The following PXK variants were observed in gnomAD, a reference collection of about 807,000 sequenced individuals.
The protein encoded by PXK is PX domain-containing protein kinase-like protein.
In PXK, 35 loss-of-function variants were observed where a neutral mutation model predicts 84.7. The ratio of observed to expected loss-of-function variants is 0.41; its 90% CI spans 0.32 to 0.55. The LOEUF (loss-of-function observed/expected upper bound fraction) is 0.55. Among genes scored for constraint, PXK ranks in the 20% least tolerant of loss-of-function variants. PXK has a pLI of 0.21. For synonymous variants in PXK, 253 were observed against 260.8 expected (o/e 0.97, Z 0.29); for missense variants, 634 against 699.7 (o/e 0.91, Z 1.06).
rs1478175252 is a variant in PXK at position 58,398,485 on chromosome 3, G to A, written c.1102+763G>A. ...AGAGCCTAGCAGGCCCAGACCTAGG[G>A]CAGGCAGGCAGGAATGCAGACACCA... On this transcript the variant is annotated intron_variant, in intron 11 of 17. Transcript: ENST00000356151. The surrounding 1 kb of genome is among the most constrained non-coding windows in gnomAD (Gnocchi z 4.5). Among the ~76,000 whole-genome samples the A allele has an allele frequency of 1.3e-5, 2 of 152,184 alleles. No individual in the cohort carries two copies. The highest frequency in any genetic ancestry group is 2.9e-5 in the Non-Finnish European group (2 of 68,016).
chr3:58,420,497 T>C (rs1576864790), intron 17 of PXK: 1 of 1,534,780 alleles, frequency 6.5e-7, no homozygotes, highest in African/African-American at 1.4e-5. Context: ...AATAATGACT[T>C]GTGTCCCCCC....
At position 58,390,694 on chromosome 3, in the gene PXK, CAG is replaced by C. The variant is rs529701478; in HGVS notation, c.466+37_466+38del. 6.3e-4 allele frequency: 999 copies of C among 1,575,642 alleles called. No individual in the cohort carries two copies. The highest frequency in any genetic ancestry group is 8.4e-4 in the Non-Finnish European group (963 of 1,149,802). On this transcript the variant is annotated intron_variant, in intron 5 of 17. Transcript: ENST00000356151. This position sits in a 1 kb window ranked among gnomAD's most constrained non-coding sequence, Gnocchi z 4.2. ...TGGCACGCTCATTCTGTTAAAAAGA[CAG>C]ATCACAGAACTGGATCCTTAGTCAT...
chr3:58,390,999 C>T lies in PXK; in HGVS notation c.467-148C>T. ...TTTTTAAGTATAGCCTTTACTATGCCAACGTTATCAAATGGTTCTTTTACT... is the reference window on the plus strand; with the variant it reads ...TTTTTAAGTATAGCCTTTACTATGCTAACGTTATCAAATGGTTCTTTTACT... On this transcript the variant is annotated intron_variant, in intron 5 of 17. Coordinates refer to ENST00000356151, the MANE Select transcript of PXK (RefSeq NM_017771.5). The surrounding 1 kb of genome is among the most constrained non-coding windows in gnomAD (Gnocchi z 4.2). 1 of 609,902 alleles carries T rather than the reference C, an allele frequency of 1.6e-6. No homozygotes were observed. Among genetic ancestry groups the T allele is most frequent in the African/African-American group, 1.9e-5 (1 of 54,042 alleles). 37.8% of individuals were successfully genotyped at this position (609,902 alleles called of 1,614,324 possible).
In PXK at chr3:58,385,171, C is replaced by T. The variant is rs2098541009; in HGVS notation, c.388+2471C>T. Among the ~76,000 whole-genome samples, 1 of 152,132 alleles carries T rather than the reference C, an allele frequency of 6.6e-6. No homozygotes were observed. Among genetic ancestry groups the T allele is most frequent in the Non-Finnish European group, 1.5e-5 (1 of 68,022 alleles). ...CCAGCATGGTAGAGAGTCAGGAGTC[C>T]AAAGCAGATGTGGGCAGGGGTATAA... On this transcript the variant is annotated intron_variant, in intron 4 of 17. Coordinates refer to ENST00000356151, the MANE Select transcript of PXK (RefSeq NM_017771.5). This position sits in a 1 kb window ranked among gnomAD's most constrained non-coding sequence, Gnocchi z 5.1.
chr3:58,363,513 G>A (rs2098223308), intron 1 of PXK, among the ~76,000 whole-genome samples: 1 of 152,114 alleles, frequency 6.6e-6, no homozygotes, highest in Non-Finnish European at 1.5e-5. Flanking sequence ...GTAGAGACGA[G>A]GTCTTGCTGT....
At chr3:58,413,224 A>G in intron 17 of PXK, 1 of 536,634 alleles carries the variant, frequency 1.9e-6, no homozygotes, top group South Asian at 2.0e-5. Flanking sequence ...TTTGCTGAAA[A>G]GCTTCATGCA....
At chr3:58,349,373 T>G (rs983086015) in intron 1 of PXK, among the ~76,000 whole-genome samples, 86 of 150,632 alleles carry the variant, frequency 5.7e-4, no homozygotes, top group Middle Eastern at 3.4e-3. Flanking sequence ...TTTTTTTTTT[T>G]GAGACGGAGT....
At chr3:58,354,866 C>G (rs1422862721) in intron 1 of PXK, among the ~76,000 whole-genome samples, 1 of 151,938 alleles carries the variant, frequency 6.6e-6, no homozygotes, top group South Asian at 2.1e-4. Context: ...GCTTGTAATC[C>G]CAACACTTTT....
At chr3:58,342,808 C>T (rs2097761186) in intron 1 of PXK, among the ~76,000 whole-genome samples, 1 of 151,990 alleles carries the variant, frequency 6.6e-6, no homozygotes, top group Admixed American at 6.6e-5. Flanking sequence ...TGAACTATGT[C>T]CTCTTAGTTT....
rs145159214 is a variant in PXK, at chr3:58,399,280, T to C, written c.1103-19T>C. 2.4e-3 allele frequency: 3,919 copies of C among 1,610,620 alleles called. 11 individuals carry two copies. Among genetic ancestry groups the C allele is most frequent in the Non-Finnish European group, 2.9e-3 (3,364 of 1,176,826 alleles). On this transcript the variant is annotated intron_variant, in intron 11 of 17. Transcript: ENST00000356151. This position sits in a 1 kb window ranked among gnomAD's most constrained non-coding sequence, Gnocchi z 4.3. ...CAGCGTGTTCTGTGGAACTAAAATG[T>C]GTATCTGTTCATTTCAAGTGGCCGT...
Position 58,407,592 on chromosome 3 carries a change from G to A in PXK, c.1231-1332G>A, listed in dbSNP as rs183032752. 9.4e-4 allele frequency among the ~76,000 whole-genome samples: 143 copies of A among 151,640 alleles called. 2 individuals are homozygous for A. The highest frequency in any genetic ancestry group is 7.9e-3 in the East Asian group (41 of 5,166). ...TTTTTTCTTTTGGAGACAGGGGCTC[G>A]TTCTGTTGCTTAGGCTGGAGTGCAG... On this transcript the variant is annotated intron_variant, in intron 13 of 17. Coordinates refer to ENST00000356151, the MANE Select transcript of PXK (RefSeq NM_017771.5). The surrounding 1 kb of genome is among the most constrained non-coding windows in gnomAD (Gnocchi z 4.3).
chr3:58,394,916 G>T, intron 7 of PXK, 82 bp from the exon 8 acceptor site: 3 of 1,006,040 alleles, frequency 3.0e-6, no homozygotes, highest in South Asian at 2.8e-5. Context: ...AGTGCTACTT[G>T]ACTCTGCATA....
chr3:58,375,602 A>G (rs1319583013), intron 3 of PXK, among the ~76,000 whole-genome samples: 1 of 152,160 alleles, frequency 6.6e-6, no homozygotes, highest in Non-Finnish European at 1.5e-5. Flanking sequence ...GTGTGAATGG[A>G]GTTTGCACTT....
Position 58,395,644 on chromosome 3 carries a change from GT to G in PXK, c.721-12del. 1 of 1,588,980 alleles carries G rather than the reference GT, an allele frequency of 6.3e-7. No individual in the cohort carries two copies. Among genetic ancestry groups the G allele is most frequent in the Non-Finnish European group, 8.6e-7 (1 of 1,158,478 alleles). On this transcript the variant is annotated splice_polypyrimidine_tract_variant and intron_variant, in intron 8 of 17. Transcript: ENST00000356151. ...TCTGCTGCTTTCTTACGTGTTCTTT[GT>G]TCTTTTCCAAAGGCAAAACCAAAAG...
intron 3 of PXK, among the ~76,000 whole-genome samples, chr3:58,369,756 G>A (rs1008015203): frequency 2.6e-5 from 4 of 151,648 alleles, no homozygotes; most frequent in South Asian, 2.1e-4. Flanking sequence ...CCTGGGAAGC[G>A]GAGGTTGTGG....
chr3:58,342,967 C>G (rs1222118420), intron 1 of PXK, among the ~76,000 whole-genome samples: 1 of 152,176 alleles, frequency 6.6e-6, no homozygotes, highest in Non-Finnish European at 1.5e-5. Flanking sequence ...CGCAGCACCT[C>G]TTTATAATAT....
chr3:58,371,071 T>C (rs1347125232), intron 3 of PXK, among the ~76,000 whole-genome samples: 2 of 152,248 alleles, frequency 1.3e-5, no homozygotes, highest in Non-Finnish European at 2.9e-5. Flanking sequence ...ATAATGCTGC[T>C]GAAAGCATGA....
chr3:58,410,217 C>G, intron 16 of PXK, 58 bp downstream of exon 16: 1 of 1,349,554 alleles, frequency 7.4e-7, no homozygotes, highest in South Asian at 1.2e-5. Context: ...TCAGGAGTCT[C>G]TAGTTGGTCA....
At position 58,385,714 on chromosome 3, in the gene PXK, G is replaced by T. The variant is rs141402327; in HGVS notation, c.388+3014G>T. On this transcript the variant is annotated intron_variant, in intron 4 of 17. Transcript: ENST00000356151. This position sits in a 1 kb window ranked among gnomAD's most constrained non-coding sequence, Gnocchi z 5.1. Reference sequence around the variant, plus strand: ...GGGTTTCACTATGTTGACTAGGCTGGTCTCAAACTCTTGAGCTCAAATGAT... The same window carrying T: ...GGGTTTCACTATGTTGACTAGGCTGTTCTCAAACTCTTGAGCTCAAATGAT... 6.6e-6 allele frequency among the ~76,000 whole-genome samples: 1 copy of T among 152,154 alleles called. No individual in the cohort carries two copies. Among genetic ancestry groups the T allele is most frequent in the Non-Finnish European group, 1.5e-5 (1 of 68,044 alleles).
Sources: gnomAD v4.1 joint callset for allele counts (sites outside exome capture counted in the v4.1 genomes callset) on GRCh38, gnomAD v4.1.1 for gene constraint, Gnocchi (gnomAD v3.1) non-coding constraint, MANE v1.5 for transcripts, NCBI Gene and HGNC (gene_info 2026-07-23, HGNC 2026-07-21) for gene names.